Variants in CGRRF1 observed in about 807,000 individuals in gnomAD.
CGRRF1 encodes cell growth regulator with ring finger domain 1, also known as cell growth regulator with RING finger domain protein 1.
In CGRRF1, 32 loss-of-function variants were observed where a neutral mutation model predicts 37.2. That is an observed-to-expected ratio of 0.86 (90% confidence interval 0.65 to 1.16). The LOEUF is 1.16. Among genes scored for constraint, CGRRF1 ranks in the 50% most tolerant of loss-of-function variants. The pLI is 0.00. For missense variants in CGRRF1, 391 were observed against 382.6 expected (o/e 1.02, Z -0.18); for synonymous variants, 141 against 140.3 (o/e 1.00, Z -0.04).
In CGRRF1 at chr14:54,531,034, G is replaced by A. The variant is rs755682194; in HGVS notation, c.554G>A (p.Arg185Gln). The change falls in exon 4 of 6, where the codon CGG becomes CAG. Residue 185 changes from arginine to glutamine, a missense_variant. Transcript: ENST00000216420. The part of the protein sequence containing the change: ...ALLTLADEDD[R>Q]EIYDIISMVS... ...TTGACCTTAGCTGATGAGGATGACC[G>A]GGAAATTTATGATATTGTAAGTAAT... 8.1e-6 allele frequency: 13 copies of A among 1,608,014 alleles called. No individual in the cohort carries two copies. Among genetic ancestry groups the A allele is most frequent in the East Asian group, 6.7e-5 (3 of 44,790 alleles).
intron 2 of CGRRF1, among the ~76,000 whole-genome samples, chr14:54,527,576 T>G (rs1430202733): frequency 6.6e-6 from 1 of 152,106 alleles, no homozygotes; most frequent in Non-Finnish European, 1.5e-5. Flanking sequence ...TTGTCAAAGG[T>G]CTCTGACACT....
At chr14:54,524,895 G>T (rs549315778) in intron 2 of CGRRF1, among the ~76,000 whole-genome samples, 4 of 152,196 alleles carry the variant, frequency 2.6e-5, no homozygotes, top group African/African-American at 9.6e-5. Context: ...AAGATAGTAG[G>T]TTGTGCATGC....
At chr14:54,516,523 T>C (rs369064183) in intron 1 of CGRRF1, among the ~76,000 whole-genome samples, 4 of 152,168 alleles carry the variant, frequency 2.6e-5, no homozygotes, top group African/African-American at 9.6e-5. Flanking sequence ...TGTTCCTCTA[T>C]GTGTAGTATA....
At position 54,522,420 on chromosome 14, in the gene CGRRF1, T is replaced by C. The variant is rs373707670; in HGVS notation, c.105-34T>C. On this transcript the variant is annotated intron_variant, in intron 1 of 5. Transcript: ENST00000216420. ...ACATAACATAAAGTTTCAACATTTG[T>C]TAAAATAATATTTTATTTTTTACCT... is the stretch of plus-strand genomic sequence containing the variant. The C allele has an allele frequency of 1.4e-5, 19 of 1,398,702 alleles. No individual in the cohort carries two copies. The African/African-American group carries it at 2.4e-4, about 17-fold the overall frequency. 86.6% of individuals were successfully genotyped at this position (1,398,702 alleles called of 1,614,324 possible).
At chr14:54,526,144 ATTTTT>A (rs745596386) in intron 2 of CGRRF1, among the ~76,000 whole-genome samples, 1 of 107,064 alleles carries the variant, frequency 9.3e-6, no homozygotes, top group African/African-American at 3.6e-5. Context: ...TATATTTAAG[ATTTTT>A]TTTTTTTTTT....
chr14:54,525,129 C>T (rs933802966), intron 2 of CGRRF1, among the ~76,000 whole-genome samples: 2 of 152,162 alleles, frequency 1.3e-5, no homozygotes, highest in African/African-American at 2.4e-5. Context: ...CTAGAACCTG[C>T]TACAATGTCA....
intron 4 of CGRRF1, 137 bp from the exon 5 acceptor site, chr14:54,537,585 C>A: frequency 5.6e-6 from 5 of 890,974 alleles, no homozygotes; most frequent in Non-Finnish European, 4.5e-6. Context: ...AATTTATCAG[C>A]CTTTTATTTT....
chr14:54,526,394 C>A (rs1384861230), intron 2 of CGRRF1, among the ~76,000 whole-genome samples: 1 of 151,376 alleles, frequency 6.6e-6, no homozygotes, highest in Non-Finnish European at 1.5e-5. Context: ...CATGATCTGC[C>A]CACCTCGGCC....
At chr14:54,513,963 T>C (rs1192881316) in intron 1 of CGRRF1, among the ~76,000 whole-genome samples, 1 of 152,124 alleles carries the variant, frequency 6.6e-6, no homozygotes, top group Non-Finnish European at 1.5e-5. Context: ...TAGGTAGACA[T>C]GGACAGAGCT....
At chr14:54,525,047 A>C (rs1227866651) in intron 2 of CGRRF1, among the ~76,000 whole-genome samples, 2 of 152,138 alleles carry the variant, frequency 1.3e-5, no homozygotes, top group African/African-American at 4.8e-5. Flanking sequence ...ACTCTGTCTC[A>C]AAAAATAAAA....
chr14:54,528,768 C>G (rs955156204), intron 2 of CGRRF1, among the ~76,000 whole-genome samples: 6 of 152,110 alleles, frequency 3.9e-5, no homozygotes, highest in Non-Finnish European at 8.8e-5. Flanking sequence ...GAAATCAAAG[C>G]CTGCTCCAAT....
At chr14:54,530,024 A>T (rs368153507) in intron 2 of CGRRF1, 25 bp from the exon 3 acceptor site, 28 of 1,582,490 alleles carry the variant, frequency 1.8e-5, no homozygotes, top group Non-Finnish European at 2.0e-5. Context: ...AATCACTTTC[A>T]TTCTTTCTCC....
At chr14:54,531,606 G>T (rs1224016057) in intron 4 of CGRRF1, among the ~76,000 whole-genome samples, 1 of 151,950 alleles carries the variant, frequency 6.6e-6, no homozygotes. Context: ...TTTTTTGCCT[G>T]CTTGCAGTCA....
rs2032338472 is a variant in CGRRF1 at position 54,522,588 on chromosome 14, T to G, written c.239T>G (p.Ile80Ser). The stretch of plus-strand genomic sequence containing the variant: ...ATCACTAATCCATCTTCAGCTTCAA[T>G]TACAAGTTGGTGGCTGTTTTCCAAA... ...LEITNPSSASITTGITLTTDC... is the reference protein window; with the variant it reads ...LEITNPSSASSTTGITLTTDC... Residue 80 changes from isoleucine to serine, a missense_variant, in exon 2 of 6, where the codon ATT (isoleucine) becomes AGT (serine). Physicochemically the swap from Ile to Ser is moderately radical, Grantham distance 142. Transcript: ENST00000216420. 1 of 1,581,874 alleles carries G rather than the reference T, an allele frequency of 6.3e-7. No individual in the cohort carries two copies. Among genetic ancestry groups the G allele is most frequent in the Non-Finnish European group, 8.5e-7 (1 of 1,170,616 alleles).
intron 4 of CGRRF1, among the ~76,000 whole-genome samples, chr14:54,534,393 G>A (rs1353703016): frequency 6.6e-6 from 1 of 152,096 alleles, no homozygotes; most frequent in Non-Finnish European, 1.5e-5. Flanking sequence ...AAAGTGCTGG[G>A]GTTACAGGTG....
intron 1 of CGRRF1, among the ~76,000 whole-genome samples, chr14:54,511,446 G>A (rs2032128876): frequency 6.6e-6 from 1 of 152,232 alleles, no homozygotes; most frequent in Non-Finnish European, 1.5e-5. Flanking sequence ...TGTTGCCCAT[G>A]TGAGAAAAGC....
intron 4 of CGRRF1, among the ~76,000 whole-genome samples, chr14:54,535,499 T>C (rs2032586549): frequency 6.6e-6 from 1 of 152,170 alleles, no homozygotes; most frequent in Non-Finnish European, 1.5e-5. Context: ...ATGTGTCCTT[T>C]TCAGAGTGCC....
At chr14:54,533,379 A>G (rs1043966560) in intron 4 of CGRRF1, among the ~76,000 whole-genome samples, 1 of 151,678 alleles carries the variant, frequency 6.6e-6, no homozygotes, top group Non-Finnish European at 1.5e-5. Context: ...TGCTTTGTGT[A>G]TGTCTCTGTG....
At chr14:54,533,904 A>G (rs2032560433) in intron 4 of CGRRF1, among the ~76,000 whole-genome samples, 1 of 152,140 alleles carries the variant, frequency 6.6e-6, no homozygotes, top group African/African-American at 2.4e-5. Flanking sequence ...CTATCATCCA[A>G]AAATAATCAC....
Sources: allele counts gnomAD v4.1 joint callset (sites outside exome capture counted in the v4.1 genomes callset), GRCh38; gene constraint gnomAD v4.1.1; transcripts MANE v1.5; gene names NCBI Gene and HGNC (gene_info 2026-07-23, HGNC 2026-07-21).